Variants in PCDH15 observed in about 807,000 individuals in gnomAD.
The protein encoded by PCDH15 is protocadherin related 15, also known as protocadherin-15.
A neutral mutation model predicts 178.5 loss-of-function variants in PCDH15; 129 were observed. The observed-to-expected ratio is 0.72, with a 90% CI of 0.63 to 0.84. The LOEUF (loss-of-function observed/expected upper bound fraction) is 0.84. Ranked by LOEUF, PCDH15 falls within the 40% of genes least tolerant of loss-of-function variation. PCDH15 has a pLI of 0.00. For missense variants in PCDH15, 2,230 were observed against 2,099.9 expected (o/e 1.06, Z -1.21); for synonymous variants, 800 against 732.0 (o/e 1.09, Z -1.50).
chr10:53,958,764 A>T (rs141330886), intron 23 of PCDH15, among the ~76,000 whole-genome samples: 2,456 of 151,988 alleles, frequency 0.016, 37 homozygotes, highest in Middle Eastern at 0.034. Context: ...GTGGATCAGG[A>T]GGTCAGAGAT....
intron 1 of PCDH15, among the ~76,000 whole-genome samples, chr10:54,721,064 A>G (rs1447708044): frequency 6.6e-6 from 1 of 152,076 alleles, no homozygotes; most frequent in African/African-American, 2.4e-5. Context: ...GAATAAAATT[A>G]GAAATTAATA....
At chr10:54,569,882 T>G (rs2133544021) in intron 2 of PCDH15, among the ~76,000 whole-genome samples, 1 of 152,282 alleles carries the variant, frequency 6.6e-6, no homozygotes, top group South Asian at 2.1e-4. Context: ...TGGTGTGACC[T>G]CAGTATACGT....
intron 2 of PCDH15, among the ~76,000 whole-genome samples, chr10:55,509,655 T>A (rs1840836406): frequency 6.6e-6 from 1 of 151,850 alleles, no homozygotes; most frequent in Non-Finnish European, 1.5e-5. Context: ...AATTAATATG[T>A]CATGATATAT....
intron 1 of PCDH15, among the ~76,000 whole-genome samples, chr10:54,740,900 G>C (rs915559316): frequency 2.6e-5 from 4 of 151,864 alleles, no homozygotes; most frequent in Admixed American, 6.6e-5. Context: ...AAGAAAGATT[G>C]GTTAATGGAT....
chr10:55,233,687 G>C (rs1160521662), intron 1 of PCDH15, among the ~76,000 whole-genome samples: 5 of 152,024 alleles, frequency 3.3e-5, no homozygotes, highest in Non-Finnish European at 5.9e-5. Context: ...AGTGAAGAGA[G>C]AGAAAGTGTG....
intron 3 of PCDH15, among the ~76,000 whole-genome samples, chr10:54,440,090 G>A (rs778912504): frequency 2.0e-5 from 3 of 151,958 alleles, no homozygotes; most frequent in Non-Finnish European, 4.4e-5. Context: ...TAAGAGAATG[G>A]ATGCTGGCAA....
chr10:55,109,585 A>T (rs758885118), intron 2 of PCDH15, among the ~76,000 whole-genome samples: 6 of 152,142 alleles, frequency 3.9e-5, no homozygotes, highest in Non-Finnish European at 7.4e-5. Flanking sequence ...TATAAAAATA[A>T]TTCCACTCTA....
chr10:54,734,981 C>G (rs903147248), intron 1 of PCDH15, among the ~76,000 whole-genome samples: 2 of 151,894 alleles, frequency 1.3e-5, no homozygotes, highest in South Asian at 4.1e-4. Flanking sequence ...TATAATATTT[C>G]ATACCCTAAA....
At chr10:54,089,215 G>A (rs1683747861) in intron 16 of PCDH15, among the ~76,000 whole-genome samples, 1 of 152,300 alleles carries the variant, frequency 6.6e-6, no homozygotes, top group South Asian at 2.1e-4. Context: ...TCCTGAGTCT[G>A]ATGTGGCAAT....
rs34113387 is a variant in PCDH15, at chr10:55,303,086, GATAT to G, written c.-156+16509_-156+16512del. 3.2e-3 allele frequency among the ~76,000 whole-genome samples: 477 copies of G among 149,328 alleles called. 3 individuals are homozygous for G. The highest frequency in any genetic ancestry group is 6.8e-3 in the Middle Eastern group (2 of 292). On this transcript the variant is annotated intron_variant, in intron 1 of 5. Coordinates refer to the PCDH15 transcript ENST00000458638. The stretch of plus-strand genomic sequence containing the variant: ...AAGATAAGAAAACAAAGATATTTGA[GATAT>G]ATATATATATATATACACACACACA...
At chr10:54,034,686 A>T (rs1278239951) in intron 18 of PCDH15, among the ~76,000 whole-genome samples, 2 of 151,906 alleles carry the variant, frequency 1.3e-5, no homozygotes, top group Non-Finnish European at 2.9e-5. Context: ...ATGAACTCAG[A>T]TTCTGCTGTG....
At chr10:54,436,044 G>T (rs1161681466) in intron 3 of PCDH15, among the ~76,000 whole-genome samples, 2 of 122,090 alleles carry the variant, frequency 1.6e-5, no homozygotes, top group Admixed American at 1.6e-4. Context: ...GAGAGAGAGA[G>T]AGAGAGAAAA....
At chr10:54,098,708 C>A (rs1224173460) in intron 15 of PCDH15, among the ~76,000 whole-genome samples, 3 of 152,162 alleles carry the variant, frequency 2.0e-5, no homozygotes, top group Non-Finnish European at 4.4e-5. Context: ...CTTTTCCAAC[C>A]TTTCTATGAA....
intron 2 of PCDH15, among the ~76,000 whole-genome samples, chr10:55,614,561 T>C (rs1417441095): frequency 6.6e-6 from 1 of 152,194 alleles, no homozygotes; most frequent in African/African-American, 2.4e-5. Context: ...AGAAATGACC[T>C]ACAGTAAAAT....
chr10:54,824,302 G>A (rs1393054340), intron 3 of PCDH15, among the ~76,000 whole-genome samples: 1 of 152,078 alleles, frequency 6.6e-6, no homozygotes, highest in Admixed American at 6.6e-5. Flanking sequence ...TAATGAGCAG[G>A]AAGCCAGAAG....
intron 1 of PCDH15, among the ~76,000 whole-genome samples, chr10:54,731,553 T>TATATATATATATACATATAG (rs1566067279): frequency 2.5e-5 from 1 of 40,296 alleles, no homozygotes; most frequent in African/African-American, 7.0e-5. Context: ...TAGATATATA[T>TATATATATATATACATATAG]ATATATATAT....
intron 1 of PCDH15, among the ~76,000 whole-genome samples, chr10:54,769,874 T>C (rs1321856623): frequency 6.6e-6 from 1 of 152,140 alleles, no homozygotes; most frequent in Non-Finnish European, 1.5e-5. Flanking sequence ...CTTTAGCAAA[T>C]ACCTTTTTGT....
intron 2 of PCDH15, among the ~76,000 whole-genome samples, chr10:55,027,901 C>G (rs1405271078): frequency 2.0e-5 from 3 of 151,668 alleles, no homozygotes; most frequent in Admixed American, 6.6e-5. Context: ...GAATTTCTTC[C>G]TATTCAATCT....
intron 2 of PCDH15, among the ~76,000 whole-genome samples, chr10:55,002,779 G>T (rs1240317827): frequency 2.0e-5 from 3 of 152,278 alleles, no homozygotes; most frequent in South Asian, 2.1e-4. Context: ...GCCAGTTCCA[G>T]GGATAAAAGT....
Sources: allele counts gnomAD v4.1 joint callset (sites outside exome capture counted in the v4.1 genomes callset), GRCh38; gene constraint gnomAD v4.1.1; transcripts MANE v1.5; gene names NCBI Gene and HGNC (gene_info 2026-07-23, HGNC 2026-07-21).